The following LRP1B variants were observed in gnomAD, a reference collection of about 807,000 sequenced individuals.
LRP1B encodes the protein low-density lipoprotein receptor-related protein 1B.
A neutral mutation model predicts 556.6 loss-of-function variants in LRP1B; 217 were observed. That is an observed-to-expected ratio of 0.39 (90% CI 0.35 to 0.44). LRP1B has a LOEUF of 0.44. LRP1B is among the 20% of genes least tolerant of loss of function. The probability of loss-of-function intolerance (pLI) is 1.00; values close to 1 mark genes in which losing one functional copy is unlikely to be tolerated. For missense variants in LRP1B, 5,053 were observed against 5,620.8 expected, an observed-to-expected ratio of 0.90 and a Z score of 3.23; for synonymous variants, 2,047 against 1,865.8, an observed-to-expected ratio of 1.10 and a Z score of -2.50.
intron 1 of LRP1B, among the ~76,000 whole-genome samples, chr2:142,032,359 C>A (rs1029333799): frequency 6.6e-6 from 1 of 151,740 alleles, no homozygotes. Context: ...TTATATAATT[C>A]TTTGAATTAT....
chr2:141,837,173 G>C (rs949531036), intron 1 of LRP1B, among the ~76,000 whole-genome samples: 5 of 151,878 alleles, frequency 3.3e-5, no homozygotes, highest in African/African-American at 1.2e-4. Flanking sequence ...TAAGGATATA[G>C]ACTATCAGGG....
chr2:141,158,573 G>C, intron 7 of LRP1B, among the ~76,000 whole-genome samples: 1 of 152,028 alleles, frequency 6.6e-6, no homozygotes. Flanking sequence ...GAGACACTAA[G>C]ATATCACTTA....
chr2:140,865,081 A>G (rs1403527438), intron 27 of LRP1B, among the ~76,000 whole-genome samples: 4 of 152,042 alleles, frequency 2.6e-5, no homozygotes, highest in African/African-American at 9.7e-5. Context: ...TTCATATTGC[A>G]TATGTTTAAG....
chr2:140,488,599 A>C (rs1688572281), intron 57 of LRP1B, among the ~76,000 whole-genome samples: 1 of 152,012 alleles, frequency 6.6e-6, no homozygotes, highest in Non-Finnish European at 1.5e-5. Flanking sequence ...TTGCCTAGGA[A>C]TTAGTTTAAT....
At chr2:141,046,868 G>C (rs1440163568) in intron 11 of LRP1B, among the ~76,000 whole-genome samples, 1 of 152,008 alleles carries the variant, frequency 6.6e-6, no homozygotes, top group Non-Finnish European at 1.5e-5. Context: ...GATCACCTGA[G>C]GTCAGGAGTT....
chr2:140,819,596 A>C (rs1396725398), intron 31 of LRP1B, among the ~76,000 whole-genome samples: 1 of 152,188 alleles, frequency 6.6e-6, no homozygotes. Context: ...CAGAGAAGAA[A>C]TATTTCACAG....
intron 6 of LRP1B, 36 bp from the exon 7 acceptor site, chr2:141,188,619 G>T: frequency 6.3e-7 from 1 of 1,579,124 alleles, no homozygotes. Flanking sequence ...TGAATCACAG[G>T]TGCAATCTAG....
intron 86 of LRP1B, among the ~76,000 whole-genome samples, chr2:140,250,133 G>A (rs955201731): frequency 6.6e-6 from 1 of 151,778 alleles, no homozygotes; most frequent in Non-Finnish European, 1.5e-5. Flanking sequence ...AACCCTGCTA[G>A]GCAATCTTTT....
rs192956146 is a variant in LRP1B, at chr2:141,499,532, A to T, written c.206-18999T>A. Among the ~76,000 whole-genome samples, 191 of 152,030 alleles carry T rather than the reference A, an allele frequency of 1.3e-3. 1 individual carries two copies. Among genetic ancestry groups the T allele is most frequent in the Non-Finnish European group, 2.3e-3 (153 of 67,950 alleles). On this transcript the variant is annotated intron_variant, in intron 2 of 90. Transcript: ENST00000389484. Reference sequence around the variant, plus strand: ...GTTTGTTTGTTTTAACTCTTTCCACATCCTCTTTGGAAGGTTCTTTATGTT... The same window carrying T: ...GTTTGTTTGTTTTAACTCTTTCCACTTCCTCTTTGGAAGGTTCTTTATGTT...
intron 41 of LRP1B, among the ~76,000 whole-genome samples, chr2:140,660,119 A>G (rs1426554211): frequency 6.6e-6 from 1 of 151,696 alleles, no homozygotes; most frequent in East Asian, 1.9e-4. Flanking sequence ...CCTATCATTC[A>G]CTAATGTCCC....
chr2:140,608,788 G>A (rs986192711), intron 41 of LRP1B, among the ~76,000 whole-genome samples: 1 of 152,158 alleles, frequency 6.6e-6, no homozygotes, highest in African/African-American at 2.4e-5. Flanking sequence ...TATTGAAGCA[G>A]ATTAAAACAG....
intron 7 of LRP1B, among the ~76,000 whole-genome samples, chr2:141,184,111 T>G (rs1429479445): frequency 6.6e-6 from 1 of 152,072 alleles, no homozygotes; most frequent in African/African-American, 2.4e-5. Flanking sequence ...TAGTTTGATA[T>G]TGAAGCAGTG....
At chr2:140,710,634 T>C (rs925964249) in intron 37 of LRP1B, among the ~76,000 whole-genome samples, 6 of 151,942 alleles carry the variant, frequency 3.9e-5, no homozygotes, top group African/African-American at 1.4e-4. Flanking sequence ...TAAAATATAA[T>C]GCTCACAGGA....
At chr2:141,790,288 A>G (rs1695569362) in intron 2 of LRP1B, among the ~76,000 whole-genome samples, 1 of 151,518 alleles carries the variant, frequency 6.6e-6, no homozygotes, top group Admixed American at 6.6e-5. Flanking sequence ...ACCCTACAAT[A>G]TACATTCTTA....
At chr2:140,252,002 C>CCAT (rs1373748925) in intron 86 of LRP1B, among the ~76,000 whole-genome samples, 2 of 128,660 alleles carry the variant, frequency 1.6e-5, no homozygotes, top group African/African-American at 2.8e-5. Flanking sequence ...GGTCTACACT[C>CCAT]CATGTATCCC....
intron 3 of LRP1B, among the ~76,000 whole-genome samples, chr2:141,324,129 C>A (rs1687354132): frequency 1.3e-5 from 2 of 150,318 alleles, no homozygotes; most frequent in South Asian, 2.1e-4. Flanking sequence ...CACACACACA[C>A]ACATACACAC....
At chr2:141,969,056 C>A (rs139727133) in intron 1 of LRP1B, among the ~76,000 whole-genome samples, 87 of 151,394 alleles carry the variant, frequency 5.7e-4, no homozygotes, top group Admixed American at 1.7e-3. Context: ...AGCCTACAAT[C>A]CCTATCCTGG....
At chr2:142,042,866 G>A (rs1559039385) in intron 1 of LRP1B, among the ~76,000 whole-genome samples, 1 of 151,472 alleles carries the variant, frequency 6.6e-6, no homozygotes, top group Non-Finnish European at 1.5e-5. Flanking sequence ...TATCAGATGA[G>A]ATACATTAAC....
chr2:141,005,399 T>A lies in LRP1B; in HGVS notation c.2439A>T (p.Pro813=). The change falls in exon 15 of 91, where the codon CCA becomes CCT. Residue 813 remains proline, a synonymous_variant. Coordinates refer to ENST00000389484, the MANE Select transcript of LRP1B (RefSeq NM_018557.3). ...GGCSTLCLAI[P]GGRVCACADN... The stretch of plus-strand genomic sequence containing the variant: ...CGGCACAAGCACACACCCGGCCTCC[T>A]GGGATAGCCAAGCAAAGTGTACTAC... The A allele has an allele frequency of 1.2e-6, 2 of 1,611,502 alleles. No individual in the cohort carries two copies. Among genetic ancestry groups the A allele is most frequent in the Non-Finnish European group, 1.7e-6 (2 of 1,178,322 alleles).
Sources: gnomAD v4.1 joint callset for allele counts (sites outside exome capture counted in the v4.1 genomes callset) on GRCh38, gnomAD v4.1.1 for gene constraint, MANE v1.5 for transcripts, NCBI Gene and HGNC (gene_info 2026-07-23, HGNC 2026-07-21) for gene names.